The following CDKAL1 variants were observed in gnomAD, a reference collection of about 807,000 sequenced individuals.
CDKAL1 encodes the protein threonylcarbamoyladenosine tRNA methylthiotransferase.
CDKAL1 carries 32 observed loss-of-function variants against 68.2 expected under a neutral mutation model. That is an observed-to-expected ratio of 0.47 (90% confidence interval 0.35 to 0.63). CDKAL1 has a LOEUF of 0.63. CDKAL1 is among the 30% of genes least tolerant of loss of function. The pLI is 0.00. For missense variants in CDKAL1, 606 were observed against 696.7 expected (o/e 0.87, Z 1.47); for synonymous variants, 234 against 244.3 (o/e 0.96, Z 0.39).
At chr6:21,072,676 C>CTTTTTTTTTTTTTTTTTTT (rs66763305) in intron 12 of CDKAL1, among the ~76,000 whole-genome samples, 2 of 131,196 alleles carry the variant, frequency 1.5e-5, no homozygotes, top group Non-Finnish European at 3.2e-5. Context: ...AATAGAGTAT[C>CTTTTTTTTTTTTTTTTTTT]TTTTTTTTTT....
chr6:21,167,329 A>G (rs530357953), intron 13 of CDKAL1, among the ~76,000 whole-genome samples: 1 of 152,344 alleles, frequency 6.6e-6, no homozygotes, highest in East Asian at 1.9e-4. Context: ...TGACTTAATC[A>G]TTTCTAATTA....
At chr6:20,882,559 C>T (rs186157538) in intron 9 of CDKAL1, among the ~76,000 whole-genome samples, 12 of 152,292 alleles carry the variant, frequency 7.9e-5, no homozygotes, top group Non-Finnish European at 1.8e-4. Flanking sequence ...CCTACAAGCT[C>T]TTTTAGTCTG....
intron 7 of CDKAL1, among the ~76,000 whole-genome samples, chr6:20,765,045 G>C (rs988120219): frequency 6.6e-6 from 1 of 151,722 alleles, no homozygotes; most frequent in Admixed American, 6.6e-5. Flanking sequence ...TTTTCAATGA[G>C]CCTGTTTGTT....
chr6:20,719,130 A>G (rs1332399646), intron 5 of CDKAL1, among the ~76,000 whole-genome samples: 2 of 152,140 alleles, frequency 1.3e-5, no homozygotes, highest in Admixed American at 6.6e-5. Context: ...CCTGCCTTTT[A>G]AAGTTTACAG....
chr6:20,931,944 C>G (rs1561894407), intron 9 of CDKAL1, among the ~76,000 whole-genome samples: 1 of 152,186 alleles, frequency 6.6e-6, no homozygotes, highest in African/African-American at 2.4e-5. Context: ...ATACACATCT[C>G]AAATGTCAAG....
At chr6:21,215,426 G>A (rs1221622716) in intron 15 of CDKAL1, among the ~76,000 whole-genome samples, 2 of 152,142 alleles carry the variant, frequency 1.3e-5, no homozygotes, top group Admixed American at 6.5e-5. Context: ...TAAGGAATTG[G>A]GAATATTAAT....
At chr6:20,889,518 G>A (rs1184374306) in intron 9 of CDKAL1, among the ~76,000 whole-genome samples, 5 of 152,156 alleles carry the variant, frequency 3.3e-5, no homozygotes, top group Non-Finnish European at 5.9e-5. Context: ...TAACATGTAA[G>A]TCTTTAATCC....
Position 20,987,943 on chromosome 6 carries a change from C to CT in CDKAL1, c.910-12266dup, listed in dbSNP as rs11300877. The stretch of plus-strand genomic sequence containing the variant: ...TCCAGGCACACACTACCATCCCCAG[C>CT]TTTTTTTTTTTTTTTTTTCACCTGT... On this transcript the variant is annotated intron_variant, in intron 10 of 15. Transcript: ENST00000274695. Among the ~76,000 whole-genome samples the CT allele has an allele frequency of 8.8e-3, 1,086 of 123,250 alleles. 11 individuals are homozygous for CT. Among genetic ancestry groups the CT allele is most frequent in the Non-Finnish European group, 0.013 (776 of 60,056 alleles). 80.9% of individuals were successfully genotyped at this position (123,250 alleles called of 152,430 possible). A position where few individuals can be genotyped will look rare whatever the true frequency, so the allele number is the denominator to read the frequency against.
intron 9 of CDKAL1, among the ~76,000 whole-genome samples, chr6:20,848,593 T>C (rs1758820269): frequency 6.6e-6 from 1 of 152,176 alleles, no homozygotes; most frequent in South Asian, 2.1e-4. Context: ...TTAGAGAACG[T>C]ATTAGAAGAT....
At chr6:21,220,223 C>T (rs139779271) in intron 15 of CDKAL1, among the ~76,000 whole-genome samples, 4 of 151,950 alleles carry the variant, frequency 2.6e-5, no homozygotes, top group South Asian at 2.1e-4. Context: ...TGTGTGTTTG[C>T]GAGCACATGT....
At chr6:20,891,142 A>G (rs1233318488) in intron 9 of CDKAL1, among the ~76,000 whole-genome samples, 2 of 152,214 alleles carry the variant, frequency 1.3e-5, no homozygotes, top group African/African-American at 4.8e-5. Flanking sequence ...CCAGTGATTT[A>G]CATGGCTACC....
intron 10 of CDKAL1, among the ~76,000 whole-genome samples, chr6:20,980,748 G>A (rs908423450): frequency 7.2e-5 from 11 of 152,116 alleles, no homozygotes; most frequent in African/African-American, 2.4e-4. Context: ...CAGTAAAGGG[G>A]AGAGAGAGGG....
chr6:21,015,986 G>A (rs1463795819), intron 11 of CDKAL1, among the ~76,000 whole-genome samples: 2 of 150,916 alleles, frequency 1.3e-5, no homozygotes, highest in Admixed American at 6.6e-5. Context: ...ATACAATTCA[G>A]TTTTTGGAGA....
chr6:20,876,959 C>T (rs527275576), intron 9 of CDKAL1, among the ~76,000 whole-genome samples: 5 of 152,272 alleles, frequency 3.3e-5, no homozygotes, highest in Admixed American at 6.5e-5. Context: ...TAACTAGAAC[C>T]AGCTAAAAAG....
chr6:20,580,103 G>T (rs538729759), intron 4 of CDKAL1, among the ~76,000 whole-genome samples: 2 of 152,170 alleles, frequency 1.3e-5, no homozygotes, highest in African/African-American at 2.4e-5. Context: ...GTCTGTGAAT[G>T]TACGTATGTT....
chr6:21,141,152 C>T (rs1436594333), intron 13 of CDKAL1, among the ~76,000 whole-genome samples: 1 of 152,202 alleles, frequency 6.6e-6, no homozygotes, highest in South Asian at 2.1e-4. Context: ...TATTTCACCA[C>T]TCCCCCCTTG....
At chr6:21,116,678 C>T (rs144872597) in intron 13 of CDKAL1, among the ~76,000 whole-genome samples, 83 of 152,138 alleles carry the variant, frequency 5.5e-4, no homozygotes, top group Non-Finnish European at 8.7e-4. Flanking sequence ...CGCCCCTGCA[C>T]CTCCCCATCC....
chr6:20,840,132 T>C (rs776465224), intron 8 of CDKAL1, among the ~76,000 whole-genome samples: 15 of 152,206 alleles, frequency 9.9e-5, no homozygotes, highest in Non-Finnish European at 1.8e-4. Context: ...AGTTTCTTGA[T>C]CTTTTTGAGC....
At chr6:20,558,410 A>T in intron 4 of CDKAL1, 1 of 407,626 alleles carries the variant, frequency 2.5e-6, no homozygotes, top group Non-Finnish European at 4.9e-6. Flanking sequence ...TGATAAATTA[A>T]TTTGGAGATA....
Sources: allele counts gnomAD v4.1 joint callset (sites outside exome capture counted in the v4.1 genomes callset), GRCh38; gene constraint gnomAD v4.1.1; transcripts MANE v1.5; gene names NCBI Gene and HGNC (gene_info 2026-07-23, HGNC 2026-07-21).